The following CDCP1 variants were observed in gnomAD, a reference collection of about 807,000 sequenced individuals.
CDCP1 encodes the protein CUB domain-containing protein 1.
A neutral mutation model predicts 60.2 loss-of-function variants in CDCP1; 29 were observed. The observed-to-expected ratio is 0.48, with a 90% CI of 0.36 to 0.66. CDCP1 has a LOEUF of 0.66. Ranked by LOEUF, CDCP1 falls within the 30% of genes least tolerant of loss-of-function variation. The probability of loss-of-function intolerance (pLI) is 0.00; values close to 1 mark genes in which losing one functional copy is unlikely to be tolerated. For synonymous variants in CDCP1, 387 were observed against 431.1 expected (o/e 0.90, Z 1.27); for missense variants, 876 against 1,074.3 (o/e 0.82, Z 2.58).
At chr3:45,095,276 C>T in intron 5 of CDCP1, 71 bp downstream of exon 5, 1 of 1,407,258 alleles carries the variant, frequency 7.1e-7, no homozygotes, top group Non-Finnish European at 1.0e-6. Flanking sequence ...CCCAGGGAAC[C>T]CCACTAAGGC....
intron 8 of CDCP1, 120 bp from the exon 9 acceptor site, chr3:45,086,187 C>A (rs1331793479): frequency 1.2e-6 from 1 of 835,400 alleles, no homozygotes; most frequent in African/African-American, 1.7e-5. Context: ...TCCCCCAAAT[C>A]CCTCAGATTG....
In CDCP1 at chr3:45,091,306, G is replaced by A. The variant is rs746122542; in HGVS notation, c.1860C>T (p.Ser620=). 6 of 1,613,958 alleles carry A rather than the reference G, an allele frequency of 3.7e-6. No homozygotes were observed. Among genetic ancestry groups the A allele is most frequent in the Non-Finnish European group, 5.1e-6 (6 of 1,180,030 alleles). The change falls in exon 7 of 9, where the codon AGC becomes AGT. Residue 620 remains serine (S), a synonymous_variant. Transcript: ENST00000296129. This position sits in a 1 kb window ranked among gnomAD's most constrained non-coding sequence, Gnocchi z 4.8. ...GCTTGGGGAGCACATCCTCGTCCAG[G>A]CTGAAGATCTCCTCAGCCCGGGTCC... The part of the protein sequence containing the change: ...EQRTRAEEIF[S]LDEDVLPKPS...
chr3:45,127,234 C>T (rs1699015638), intron 1 of CDCP1, among the ~76,000 whole-genome samples: 2 of 152,164 alleles, frequency 1.3e-5, no homozygotes, highest in Non-Finnish European at 2.9e-5. Context: ...GATTTAAATT[C>T]CACAGAATTT....
chr3:45,096,033 TC>T (rs1453815963), intron 4 of CDCP1, among the ~76,000 whole-genome samples: 5 of 152,188 alleles, frequency 3.3e-5, no homozygotes, highest in Non-Finnish European at 7.3e-5. Context: ...TGTTACTGTA[TC>T]CCACTCCTCA....
chr3:45,088,417 C>T (rs527669596), intron 8 of CDCP1, among the ~76,000 whole-genome samples: 9 of 152,188 alleles, frequency 5.9e-5, no homozygotes, highest in Non-Finnish European at 1.0e-4. Context: ...ACCCAGGAGG[C>T]GGAGGCTGCA....
intron 8 of CDCP1, among the ~76,000 whole-genome samples, chr3:45,087,207 C>G (rs1277475304): frequency 6.6e-6 from 1 of 152,220 alleles, no homozygotes; most frequent in East Asian, 1.9e-4. Flanking sequence ...CCAGGAGACA[C>G]TCAGGAAGTA....
chr3:45,094,942 GTT>G (rs529897093), intron 5 of CDCP1, among the ~76,000 whole-genome samples: 13 of 138,438 alleles, frequency 9.4e-5, no homozygotes, highest in Admixed American at 7.3e-5. Context: ...TGTGGGTGGG[GTT>G]TTTTTTTTTT....
intron 1 of CDCP1, among the ~76,000 whole-genome samples, chr3:45,126,076 G>C (rs1315274783): frequency 6.6e-6 from 1 of 150,778 alleles, no homozygotes; most frequent in Non-Finnish European, 1.5e-5. Flanking sequence ...CCTAGCAGAA[G>C]AGGAGCAACT....
At chr3:45,093,240 A>G in intron 6 of CDCP1, 37 bp downstream of exon 6, 2 of 1,580,608 alleles carry the variant, frequency 1.3e-6, no homozygotes, top group Non-Finnish European at 1.7e-6. Context: ...AAACGCTTAA[A>G]CTAAAGGGGC....
Position 45,095,665 on chromosome 3 carries a change from G to A in CDCP1, c.1025-97C>T, listed in dbSNP as rs913338265. The A allele has an allele frequency of 5.4e-6, 5 of 918,848 alleles. No homozygotes were observed. In the African/African-American group the frequency reaches 8.2e-5, roughly 15 times the overall value. The allele number at this position is 918,848 out of a possible 1,614,324, so 56.9% of individuals were successfully genotyped here. The stretch of plus-strand genomic sequence containing the variant: ...GAAAACCTCTCCTGAGGAAGAAAAT[G>A]GCATATCAGACCATGGATGGATAAT... On this transcript the variant is annotated intron_variant, in intron 4 of 8. Transcript: ENST00000296129.
At chr3:45,127,713 G>A (rs1699027341) in intron 1 of CDCP1, among the ~76,000 whole-genome samples, 2 of 152,162 alleles carry the variant, frequency 1.3e-5, no homozygotes, top group Non-Finnish European at 2.9e-5. Flanking sequence ...GCCAGGACCT[G>A]CCAATTCCCA....
intron 1 of CDCP1, among the ~76,000 whole-genome samples, chr3:45,124,257 A>T (rs572232832): frequency 2.6e-5 from 4 of 152,336 alleles, no homozygotes; most frequent in African/African-American, 9.6e-5. Context: ...AAACACCGGA[A>T]GTCATTTTTC....
At chr3:45,110,154 G>T in intron 4 of CDCP1, 1 of 1,148,794 alleles carries the variant, frequency 8.7e-7, no homozygotes, top group Non-Finnish European at 1.1e-6. Context: ...TGGTGCGGGT[G>T]ACATCCTCAT....
At chr3:45,088,169 T>C (rs1463905014) in intron 8 of CDCP1, among the ~76,000 whole-genome samples, 1 of 152,166 alleles carries the variant, frequency 6.6e-6, no homozygotes, top group Non-Finnish European at 1.5e-5. Flanking sequence ...TCTAAAAAGG[T>C]CAACATTTTC....
intron 1 of CDCP1, among the ~76,000 whole-genome samples, chr3:45,133,620 A>T (rs1332773675): frequency 4.2e-5 from 1 of 23,676 alleles, no homozygotes; most frequent in African/African-American, 9.2e-5. Context: ...TGGGAGGCTG[A>T]GGCAGGAGAA....
chr3:45,142,410 C>T (rs1699306257), intron 1 of CDCP1, among the ~76,000 whole-genome samples: 1 of 152,194 alleles, frequency 6.6e-6, no homozygotes. Context: ...GCTATTAGTA[C>T]CATCCAGCTG....
chr3:45,101,669 C>T (rs1698486442), intron 4 of CDCP1, among the ~76,000 whole-genome samples: 1 of 152,092 alleles, frequency 6.6e-6, no homozygotes, highest in Non-Finnish European at 1.5e-5. Flanking sequence ...GGCAGATCAC[C>T]TGTGGTGAGG....
At chr3:45,111,891 T>C (rs1479661887) in intron 3 of CDCP1, among the ~76,000 whole-genome samples, 192 bp downstream of exon 3, 1 of 152,146 alleles carries the variant, frequency 6.6e-6, no homozygotes, top group East Asian at 1.9e-4. Flanking sequence ...AATCACCCCG[T>C]TTGTTTAATA....
rs554066847 is a variant in CDCP1 at position 45,123,042 on chromosome 3, G to A, written c.83-4421C>T. Among the ~76,000 whole-genome samples the A allele has an allele frequency of 1.2e-4, 18 of 151,254 alleles. No homozygotes were observed. The South Asian group carries it at 3.3e-3, about 28-fold the overall frequency. On this transcript the variant is annotated intron_variant, in intron 1 of 8. Coordinates refer to ENST00000296129, the MANE Select transcript of CDCP1 (RefSeq NM_022842.5). Reference sequence around the variant, plus strand: ...GGTCCATGGTGAGAAGTAGGGATTCGCTTTTACTTTTTTTTCCATATGGAG... The same window carrying A: ...GGTCCATGGTGAGAAGTAGGGATTCACTTTTACTTTTTTTTCCATATGGAG...
Sources: gnomAD v4.1 joint callset for allele counts (sites outside exome capture counted in the v4.1 genomes callset) on GRCh38, gnomAD v4.1.1 for gene constraint, Gnocchi (gnomAD v3.1) non-coding constraint, MANE v1.5 for transcripts, NCBI Gene and HGNC (gene_info 2026-07-23, HGNC 2026-07-21) for gene names.